Variants in KIAA1328 observed in about 807,000 individuals in gnomAD.
KIAA1328 encodes the protein protein hinderin.
KIAA1328 carries 52 observed loss-of-function variants against 68.1 expected under a neutral mutation model. That is an observed-to-expected ratio of 0.76 (90% CI 0.61 to 0.96). The LOEUF (loss-of-function observed/expected upper bound fraction) is 0.96, where lower values mean the gene tolerates loss of function less well. KIAA1328 is among the 40% of genes least tolerant of loss of function. The probability of loss-of-function intolerance (pLI) is 0.00; values close to 1 mark genes in which losing one functional copy is unlikely to be tolerated. For missense variants in KIAA1328, 641 were observed against 677.6 expected (o/e 0.95, Z 0.60); for synonymous variants, 232 against 239.4 (o/e 0.97, Z 0.28).
chr18:37,133,560 C>G (rs1465437505), intron 7 of KIAA1328, among the ~76,000 whole-genome samples: 3 of 141,766 alleles, frequency 2.1e-5, no homozygotes, highest in Non-Finnish European at 3.0e-5. Context: ...GAGTCTCGCT[C>G]TGTCGCCCAG....
chr18:37,177,906 G>A (rs569829321), intron 9 of KIAA1328, among the ~76,000 whole-genome samples: 1 of 152,120 alleles, frequency 6.6e-6, no homozygotes, highest in East Asian at 1.9e-4. Context: ...TATATATTGT[G>A]TAATGATCAA....
intron 5 of KIAA1328, among the ~76,000 whole-genome samples, chr18:36,918,055 G>A (rs2049775087): frequency 6.6e-6 from 1 of 151,706 alleles, no homozygotes; most frequent in Admixed American, 6.6e-5. Flanking sequence ...TTCAAATATT[G>A]TGAGACGACT....
At chr18:37,091,192 G>C (rs2057257280) in intron 7 of KIAA1328, among the ~76,000 whole-genome samples, 1 of 152,110 alleles carries the variant, frequency 6.6e-6, no homozygotes, top group Admixed American at 6.6e-5. Context: ...CTACAAAGAA[G>C]GATCAAAACA....
intron 6 of KIAA1328, among the ~76,000 whole-genome samples, chr18:36,966,066 A>G (rs1305198139): frequency 1.3e-5 from 2 of 152,236 alleles, no homozygotes; most frequent in African/African-American, 2.4e-5. Context: ...AAGAACAAGA[A>G]TAGGAATAAC....
chr18:37,208,738 G>A (rs2060261524), intron 9 of KIAA1328, among the ~76,000 whole-genome samples: 1 of 152,148 alleles, frequency 6.6e-6, no homozygotes, highest in South Asian at 2.1e-4. Context: ...GAAAGAGCCA[G>A]GTTTCAATTA....
chr18:37,103,536 G>A (rs1410393933), intron 7 of KIAA1328, among the ~76,000 whole-genome samples: 1 of 152,100 alleles, frequency 6.6e-6, no homozygotes, highest in Non-Finnish European at 1.5e-5. Flanking sequence ...CATAAGACCT[G>A]AAATTATACA....
chr18:36,899,228 C>T (rs1023025307), intron 5 of KIAA1328, among the ~76,000 whole-genome samples: 2 of 151,870 alleles, frequency 1.3e-5, no homozygotes, highest in African/African-American at 2.4e-5. Flanking sequence ...CATGAATGGA[C>T]ACTGATTATT....
intron 7 of KIAA1328, among the ~76,000 whole-genome samples, chr18:37,149,642 G>T (rs909928501): frequency 6.6e-6 from 1 of 152,042 alleles, no homozygotes; most frequent in Non-Finnish European, 1.5e-5. Context: ...TATAGAAAAG[G>T]TATAGTAAAA....
intron 6 of KIAA1328, among the ~76,000 whole-genome samples, chr18:36,971,420 G>C (rs982020932): frequency 6.6e-6 from 1 of 152,128 alleles, no homozygotes; most frequent in Admixed American, 6.5e-5. Flanking sequence ...ACCTGAGGTT[G>C]GGAGTTCAAG....
At chr18:37,184,764 T>A (rs2059762628) in intron 9 of KIAA1328, among the ~76,000 whole-genome samples, 1 of 152,240 alleles carries the variant, frequency 6.6e-6, no homozygotes, top group Non-Finnish European at 1.5e-5. Flanking sequence ...TCTCTTGATT[T>A]CAGAGTAATT....
intron 6 of KIAA1328, among the ~76,000 whole-genome samples, chr18:37,062,964 G>A (rs937532643): frequency 6.6e-6 from 1 of 151,874 alleles, no homozygotes; most frequent in African/African-American, 2.4e-5. Context: ...CATGAGTATG[G>A]GCACAACTTA....
chr18:37,017,001 T>C (rs1453991004), intron 6 of KIAA1328, among the ~76,000 whole-genome samples: 1 of 152,286 alleles, frequency 6.6e-6, no homozygotes, highest in East Asian at 1.9e-4. Context: ...CTTCTTTTCT[T>C]CTGCCAGTTA....
chr18:37,223,014 G>T lies in KIAA1328; in HGVS notation c.*787G>T, dbSNP rs138217393. ...CAGAATGAATAAGAACAATCCCTAG[G>T]TATTTTTATTTACCCAAGTGTTCAG... On this transcript the variant is annotated 3_prime_UTR_variant, in exon 10 of 10. Coordinates refer to ENST00000280020, the MANE Select transcript of KIAA1328 (RefSeq NM_020776.3). 1 of 985,102 alleles carries T rather than the reference G, an allele frequency of 1.0e-6. No individual in the cohort carries two copies. The highest frequency in any genetic ancestry group is 1.8e-5 in the African/African-American group (1 of 57,068). 61.0% of individuals were successfully genotyped at this position (985,102 alleles called of 1,614,324 possible). A position where few individuals can be genotyped will look rare whatever the true frequency, so the allele number is the denominator to read the frequency against.
At chr18:36,928,053 T>G (rs2151136151) in intron 5 of KIAA1328, among the ~76,000 whole-genome samples, 1 of 152,326 alleles carries the variant, frequency 6.6e-6, no homozygotes, top group East Asian at 1.9e-4. Context: ...AAGAAATGTG[T>G]AATCTGTGCT....
chr18:36,901,718 G>A (rs2049045542), intron 5 of KIAA1328, among the ~76,000 whole-genome samples: 1 of 151,998 alleles, frequency 6.6e-6, no homozygotes, highest in African/African-American at 2.4e-5. Context: ...TAGAAAGATT[G>A]GGTAAAGAAG....
intron 5 of KIAA1328, among the ~76,000 whole-genome samples, chr18:36,925,771 A>G (rs1400166772): frequency 6.6e-6 from 1 of 151,902 alleles, no homozygotes; most frequent in Non-Finnish European, 1.5e-5. Context: ...ACTCTTGGCC[A>G]CAAGTGATCC....
chr18:37,181,142 G>A (rs972616307), intron 9 of KIAA1328, among the ~76,000 whole-genome samples: 1 of 151,918 alleles, frequency 6.6e-6, no homozygotes, highest in Non-Finnish European at 1.5e-5. Context: ...TATACACAAA[G>A]TAACATTAAC....
At chr18:37,107,933 A>G (rs913892112) in intron 7 of KIAA1328, among the ~76,000 whole-genome samples, 1 of 152,142 alleles carries the variant, frequency 6.6e-6, no homozygotes, top group Non-Finnish European at 1.5e-5. Flanking sequence ...GTTAGTGGGA[A>G]TGTAAACGCA....
chr18:36,872,740 A>AC (rs374188006), intron 4 of KIAA1328, among the ~76,000 whole-genome samples: 157 of 152,272 alleles, frequency 1.0e-3, no homozygotes, highest in Middle Eastern at 6.8e-3. Context: ...TACAAAGAGA[A>AC]CAACAGACAC....
Sources: gnomAD v4.1 joint callset for allele counts (sites outside exome capture counted in the v4.1 genomes callset) on GRCh38, gnomAD v4.1.1 for gene constraint, MANE v1.5 for transcripts, NCBI Gene and HGNC (gene_info 2026-07-23, HGNC 2026-07-21) for gene names.